Variants in HPF1 observed in about 807,000 individuals in gnomAD.
The protein encoded by HPF1 is histone PARylation factor 1.
A neutral mutation model predicts 38.8 loss-of-function variants in HPF1; 35 were observed. The ratio of observed to expected loss-of-function variants is 0.90; its 90% CI spans 0.69 to 1.19. HPF1 has a LOEUF of 1.19. HPF1 is among the 50% of genes most tolerant of loss of function. HPF1 has a pLI of 0.00. For synonymous variants in HPF1, 115 were observed against 139.2 expected (o/e 0.83, Z 1.22); for missense variants, 367 against 405.8 (o/e 0.90, Z 0.82).
intron 6 of HPF1, among the ~76,000 whole-genome samples, chr4:169,732,756 T>C (rs1204196602): frequency 6.6e-6 from 1 of 152,186 alleles, no homozygotes; most frequent in Non-Finnish European, 1.5e-5. Flanking sequence ...TTAAACCAAG[T>C]GCGGATTGAA....
At chr4:169,741,124 C>T (rs7684296) in intron 5 of HPF1, among the ~76,000 whole-genome samples, 24,407 of 152,134 alleles carry the variant, frequency 0.16, 2,111 homozygotes, top group African/African-American at 0.21. Flanking sequence ...GAACTTGATA[C>T]AAATGTCACC....
chr4:169,740,431 T>G (rs1733954366), intron 5 of HPF1, among the ~76,000 whole-genome samples: 1 of 152,220 alleles, frequency 6.6e-6, no homozygotes, highest in African/African-American at 2.4e-5. Flanking sequence ...AAACACTGAT[T>G]TCTAGTGTGC....
At chr4:169,733,611 C>T (rs1041502365) in intron 6 of HPF1, among the ~76,000 whole-genome samples, 15 of 152,204 alleles carry the variant, frequency 9.9e-5, no homozygotes, top group African/African-American at 3.4e-4. Context: ...CAGGGACGGG[C>T]TGAGCGCAGT....
chr4:169,748,803 A>G lies in HPF1; in HGVS notation c.438T>C (p.Asn146=), dbSNP rs1734081581. 1 of 1,522,920 alleles carries G rather than the reference A, an allele frequency of 6.6e-7. No homozygotes were observed. The highest frequency in any genetic ancestry group is 2.4e-5 in the East Asian group (1 of 42,062). 94.3% of individuals were successfully genotyped at this position (1,522,920 alleles called of 1,614,324 possible). A position where few individuals can be genotyped will look rare whatever the true frequency, so the allele number is the denominator to read the frequency against. The part of the protein sequence containing the change: ...PDEFPVYVGI[N]EAKKNCIIVP... ...CAATTATACAATTTTTCTTTGCTTCATTTATACCAACATATACAGGAAATT... is the reference window on the plus strand; with the variant it reads ...CAATTATACAATTTTTCTTTGCTTCGTTTATACCAACATATACAGGAAATT... Residue 146 remains asparagine (N), a synonymous_variant, in exon 4 of 8, where the codon AAT becomes AAC. Coordinates refer to ENST00000393381, the MANE Select transcript of HPF1 (RefSeq NM_017867.3).
In HPF1 at chr4:169,735,932, TAA is replaced by T. The variant is rs36044065; in HGVS notation, c.736+1726_736+1727del. Among the ~76,000 whole-genome samples the T allele has an allele frequency of 3.4e-4, 36 of 105,616 alleles. 1 individual carries two copies. The highest frequency in any genetic ancestry group is 8.4e-4 in the East Asian group (3 of 3,592). The allele number at this position is 105,616 out of a possible 152,430, so 69.3% of individuals were successfully genotyped here. On this transcript the variant is annotated intron_variant, in intron 6 of 7. Transcript: ENST00000393381. The stretch of plus-strand genomic sequence containing the variant: ...AAACAGGTGGGGCAGGAGAAGGAGC[TAA>T]AAAAAAAAAAAAAAACCAACAACAA...
intron 4 of HPF1, among the ~76,000 whole-genome samples, chr4:169,742,681 A>C (rs961679622): frequency 6.6e-6 from 1 of 152,194 alleles, no homozygotes; most frequent in Admixed American, 6.5e-5. Context: ...AGTCCCAGCT[A>C]CTTGGGAGGC....
At position 169,735,197 on chromosome 4, in the gene HPF1, C is replaced by T. The variant is rs552533864; in HGVS notation, c.736+2463G>A. 5.9e-4 allele frequency among the ~76,000 whole-genome samples: 89 copies of T among 151,740 alleles called. 1 individual carries two copies. The highest frequency in any genetic ancestry group is 2.1e-3 in the African/African-American group (86 of 41,412). ...GCCCTTACTGACTAATGCTAAGCAC[C>T]GTGAGTCTATTTCCTTTGTGAACAT... On this transcript the variant is annotated intron_variant, in intron 6 of 7. Transcript: ENST00000393381.
chr4:169,744,417 T>TAAGC (rs1381737523), intron 4 of HPF1, among the ~76,000 whole-genome samples: 1 of 152,226 alleles, frequency 6.6e-6, no homozygotes, highest in Non-Finnish European at 1.5e-5. Flanking sequence ...TCTAACACTT[T>TAAGC]ACTGTGTGAT....
chr4:169,750,779 G>A (rs1183975133), intron 2 of HPF1, 54 bp from the exon 3 acceptor site: 3 of 1,273,916 alleles, frequency 2.4e-6, no homozygotes, highest in Non-Finnish European at 3.3e-6. Flanking sequence ...AGGAAATAAT[G>A]CTTTTATTTA....
At position 169,757,853 on chromosome 4, in the gene HPF1, T is replaced by C; in HGVS notation, c.25A>G (p.Arg9Gly). 6.4e-7 allele frequency: 1 copy of C among 1,565,010 alleles called. No homozygotes were observed. Among genetic ancestry groups the C allele is most frequent in the South Asian group, 1.2e-5 (1 of 86,036 alleles). MVGGGGKR[R>G]PGGEGPQCEK... is the part of the protein sequence containing the mutation. The stretch of plus-strand genomic sequence containing the variant: ...ACCTGCGGCCCCTCTCCGCCGGGCC[T>C]GCGCTTCCCGCCACCGCCGACCATT... The change falls in exon 1 of 8, where the codon AGG (arginine) becomes GGG (glycine). Residue 9 changes from arginine (R) to glycine (G), a missense_variant. Arg to Gly is a moderately radical substitution (Grantham distance 125). Coordinates refer to ENST00000393381, the MANE Select transcript of HPF1 (RefSeq NM_017867.3).
At chr4:169,750,471 A>G in intron 3 of HPF1, 65 bp downstream of exon 3, 8 of 1,198,486 alleles carry the variant, frequency 6.7e-6, no homozygotes, top group Non-Finnish European at 8.2e-6. Context: ...AGGCTAGTGA[A>G]TAACTATTTA....
intron 4 of HPF1, among the ~76,000 whole-genome samples, chr4:169,747,520 A>G (rs565884503): frequency 1.8e-4 from 27 of 152,322 alleles, no homozygotes; most frequent in African/African-American, 6.0e-4. Context: ...GAGGTCAAAG[A>G]AAAGATAATC....
intron 6 of HPF1, chr4:169,732,117 A>C: frequency 2.7e-6 from 1 of 376,480 alleles, no homozygotes; most frequent in Non-Finnish European, 4.7e-6. Context: ...ACTATTTCAC[A>C]GGATTTAGTT....
chr4:169,754,359 G>A (rs1216860476), intron 1 of HPF1, among the ~76,000 whole-genome samples: 2 of 152,132 alleles, frequency 1.3e-5, no homozygotes, highest in Non-Finnish European at 2.9e-5. Context: ...AAAGAGGGAA[G>A]GTTAGTGACA....
At chr4:169,746,028 GA>G (rs554623883) in intron 4 of HPF1, among the ~76,000 whole-genome samples, 41 of 148,836 alleles carry the variant, frequency 2.8e-4, no homozygotes, top group South Asian at 8.5e-4. Context: ...AAGGCAGAAG[GA>G]AAAAAAAAAT....
intron 6 of HPF1, among the ~76,000 whole-genome samples, chr4:169,736,395 G>A (rs1469035513): frequency 2.0e-5 from 3 of 148,604 alleles, no homozygotes; most frequent in African/African-American, 7.4e-5. Flanking sequence ...AAATAAATAC[G>A]AGTTACAAAT....
At chr4:169,750,469 GAAT>G (rs1734103024) in intron 3 of HPF1, 64 bp downstream of exon 3, 1 of 1,191,580 alleles carries the variant, frequency 8.4e-7, no homozygotes, top group Non-Finnish European at 1.2e-6. Context: ...TGAGGCTAGT[GAAT>G]AACTATTTAT....
chr4:169,755,026 G>A lies in HPF1; in HGVS notation c.49-1191C>T, dbSNP rs529671624. The stretch of plus-strand genomic sequence containing the variant: ...GTTGGTGTACTGCACCCATTAACTC[G>A]TCATTATTAGGTATATCTCCTAATG... On this transcript the variant is annotated intron_variant, in intron 1 of 7. Coordinates refer to ENST00000393381, the MANE Select transcript of HPF1 (RefSeq NM_017867.3). Among the ~76,000 whole-genome samples, 15 of 150,650 alleles carry A rather than the reference G, an allele frequency of 1.0e-4. No homozygotes were observed. In the East Asian group the frequency reaches 1.9e-3, roughly 19 times the overall value.
rs150243531 is a variant in HPF1, at chr4:169,741,211, A to C, written c.648+746T>G. On this transcript the variant is annotated intron_variant, in intron 5 of 7. Transcript: ENST00000393381. ...AAGTACACTAAGGTACTTCATTACCAGTGCTAGTTTATTAAGGAATAGCAA... is the reference window on the plus strand; with the variant it reads ...AAGTACACTAAGGTACTTCATTACCCGTGCTAGTTTATTAAGGAATAGCAA... 8.2e-3 allele frequency among the ~76,000 whole-genome samples: 1,243 copies of C among 152,340 alleles called. 19 individuals carry two copies. The highest frequency in any genetic ancestry group is 0.028 in the African/African-American group (1,173 of 41,582).
Sources: gnomAD v4.1 joint callset for allele counts (sites outside exome capture counted in the v4.1 genomes callset) on GRCh38, gnomAD v4.1.1 for gene constraint, MANE v1.5 for transcripts, NCBI Gene and HGNC (gene_info 2026-07-23, HGNC 2026-07-21) for gene names.